The following GABRA6 variants were observed in gnomAD, a reference collection of about 807,000 sequenced individuals.
The protein encoded by GABRA6 is gamma-aminobutyric acid type A receptor subunit alpha6.
In GABRA6, 45 loss-of-function variants were observed where a neutral mutation model predicts 47.3. That is an observed-to-expected ratio of 0.95 (90% confidence interval 0.75 to 1.22). The LOEUF (loss-of-function observed/expected upper bound fraction) is 1.22, where lower values mean the gene tolerates loss of function less well. GABRA6 is among the 50% of genes most tolerant of loss of function. The probability of loss-of-function intolerance (pLI) is 0.00; values close to 1 mark genes in which losing one functional copy is unlikely to be tolerated. For synonymous variants in GABRA6, 219 were observed against 194.7 expected (o/e 1.12, Z -1.04); for missense variants, 583 against 549.3 (o/e 1.06, Z -0.61).
At chr5:161,688,619 C>T (rs1047549371) in intron 3 of GABRA6, among the ~76,000 whole-genome samples, 1 of 151,982 alleles carries the variant, frequency 6.6e-6, no homozygotes, top group Non-Finnish European at 1.5e-5. Flanking sequence ...AAAGGCTAAA[C>T]TAAATATTTC....
rs746250382 is a variant in GABRA6 at position 161,686,034 on chromosome 5, A to G, written c.38+7A>G. On this transcript the variant is annotated splice_region_variant and intron_variant, in intron 1 of 8. Coordinates refer to ENST00000274545, the MANE Select transcript of GABRA6 (RefSeq NM_000811.3). The stretch of plus-strand genomic sequence containing the variant: ...GGCTGTGCATTATTCTGTGGTGAGT[A>G]AGATCCTTTTTCCTGATTTTTCTTT... 3.7e-6 allele frequency: 6 copies of G among 1,613,124 alleles called. No homozygotes were observed. Among genetic ancestry groups the G allele is most frequent in the Non-Finnish European group, 5.1e-6 (6 of 1,179,218 alleles).
At chr5:161,691,615 TTAAG>T (rs1166250625) in intron 7 of GABRA6, among the ~76,000 whole-genome samples, 3 of 152,032 alleles carry the variant, frequency 2.0e-5, no homozygotes, top group Non-Finnish European at 4.4e-5. Flanking sequence ...TTTTTTTTTC[TTAAG>T]TGGTAATAAT....
At chr5:161,693,516 A>G (rs1754838811) in intron 8 of GABRA6, among the ~76,000 whole-genome samples, 1 of 152,174 alleles carries the variant, frequency 6.6e-6, no homozygotes, top group Non-Finnish European at 1.5e-5. Context: ...AATTGATTCA[A>G]AAACTTTGTA....
chr5:161,699,172 A>G (rs1754935201), intron 8 of GABRA6, among the ~76,000 whole-genome samples: 1 of 152,258 alleles, frequency 6.6e-6, no homozygotes, highest in Non-Finnish European at 1.5e-5. Context: ...TAAAATAGAA[A>G]GAAAAACATG....
intron 7 of GABRA6, among the ~76,000 whole-genome samples, chr5:161,691,444 C>G (rs1197900619): frequency 2.0e-5 from 3 of 151,348 alleles, no homozygotes; most frequent in African/African-American, 7.3e-5. Flanking sequence ...TACAGGCGCC[C>G]GCCACCAAGC....
chr5:161,690,466 T>C, intron 7 of GABRA6, 113 bp downstream of exon 7: 1 of 1,083,838 alleles, frequency 9.2e-7, no homozygotes. Flanking sequence ...AGAAAATAGG[T>C]TCCTGTCTCA....
rs966622465 is a variant in GABRA6, at chr5:161,686,966, A to G, written c.188A>G (p.Tyr63Cys). 2.3e-5 allele frequency: 37 copies of G among 1,613,970 alleles called. No homozygotes were observed. Among genetic ancestry groups the G allele is most frequent in the Non-Finnish European group, 3.1e-5 (37 of 1,179,884 alleles). The change falls in exon 3 of 9, where the codon TAT becomes TGT. Residue 63 changes from tyrosine (Y) to cysteine (C), a missense_variant. Transcript: ENST00000274545. ...GAVTEVKTDIYVTSFGPVSDV... is the reference protein window; with the variant it reads ...GAVTEVKTDICVTSFGPVSDV... ...GTCACTGAAGTCAAAACAGACATTT[A>G]TGTGACCAGTTTTGGGCCCGTGTCA...
chr5:161,701,649 GCA>G lies in GABRA6; in HGVS notation c.1240_1241del (p.Thr414GlnfsTer2). ...CCACCACTCTCGCCAGCCTTTGGAG[GCA>G]CCAGTAAAATAGACCAGTATTCTCG... On this transcript the variant is annotated frameshift_variant, in exon 9 of 9. Transcript: ENST00000274545. LOFTEE classifies it high-confidence loss of function. 6.2e-7 allele frequency: 1 copy of G among 1,614,150 alleles called. No homozygotes were observed. Among genetic ancestry groups the G allele is most frequent in the Non-Finnish European group, 8.5e-7 (1 of 1,180,032 alleles).
Position 161,701,844 on chromosome 5 carries a change from A to T in GABRA6, c.*71A>T, listed in dbSNP as rs1471438647. Reference sequence around the variant, plus strand: ...TTCCTATGTTTTCTTAAAAAATAGCATTGAGACTTGTGTAGATGCTTCTCA... The same window carrying T: ...TTCCTATGTTTTCTTAAAAAATAGCTTTGAGACTTGTGTAGATGCTTCTCA... On this transcript the variant is annotated 3_prime_UTR_variant, in exon 9 of 9. Coordinates refer to ENST00000274545, the MANE Select transcript of GABRA6 (RefSeq NM_000811.3). 1 of 1,503,538 alleles carries T rather than the reference A, an allele frequency of 6.7e-7. No individual in the cohort carries two copies. Among genetic ancestry groups the T allele is most frequent in the East Asian group, 2.3e-5 (1 of 44,314 alleles). 93.1% of individuals were successfully genotyped at this position (1,503,538 alleles called of 1,614,324 possible).
chr5:161,687,824 G>T (rs1008274191), intron 3 of GABRA6, among the ~76,000 whole-genome samples: 7 of 151,822 alleles, frequency 4.6e-5, no homozygotes, highest in Admixed American at 4.6e-4. Flanking sequence ...AAAGGAAGGA[G>T]TAAAGGAAGA....
At chr5:161,692,708 T>C in intron 8 of GABRA6, among the ~76,000 whole-genome samples, 1 of 152,284 alleles carries the variant, frequency 6.6e-6, no homozygotes, top group East Asian at 1.9e-4. Context: ...AATAATTTGA[T>C]TCATATTAAA....
At position 161,685,737 on chromosome 5, in the gene GABRA6, G is replaced by T; in HGVS notation, c.-253G>T. 1 of 573,552 alleles carries T rather than the reference G, an allele frequency of 1.7e-6. No homozygotes were observed. Among genetic ancestry groups the T allele is most frequent in the Non-Finnish European group, 3.1e-6 (1 of 321,876 alleles). The allele number at this position is 573,552 out of a possible 1,614,324, so 35.5% of individuals were successfully genotyped here. A position where few individuals can be genotyped will look rare whatever the true frequency, so the allele number is the denominator to read the frequency against. On this transcript the variant is annotated 5_prime_UTR_variant, in exon 1 of 9. Coordinates refer to ENST00000274545, the MANE Select transcript of GABRA6 (RefSeq NM_000811.3). Reference sequence around the variant, plus strand: ...AACTGAGTCAGTCAGAGGAGCCTGGGTGTCTGCAGGACATAATCTAAGACC... The same window carrying T: ...AACTGAGTCAGTCAGAGGAGCCTGGTTGTCTGCAGGACATAATCTAAGACC...
At chr5:161,691,288 C>CTTTTTTTTTTTTTTTTTTTTTT (rs1160422481) in intron 7 of GABRA6, among the ~76,000 whole-genome samples, 1 of 84,726 alleles carries the variant, frequency 1.2e-5, no homozygotes, top group Non-Finnish European at 2.1e-5. Context: ...TTTTTCTTTC[C>CTTTTTTTTTTTTTTTTTTTTTT]TTTTTTTTTT....
chr5:161,694,519 A>G (rs1402230873), intron 8 of GABRA6, among the ~76,000 whole-genome samples: 1 of 152,068 alleles, frequency 6.6e-6, no homozygotes, highest in Non-Finnish European at 1.5e-5. Context: ...TTAATTTAAG[A>G]TGGAATTTAA....
chr5:161,697,488 C>T (rs1029425148), intron 8 of GABRA6, among the ~76,000 whole-genome samples: 1 of 152,136 alleles, frequency 6.6e-6, no homozygotes, highest in Non-Finnish European at 1.5e-5. Context: ...ATATTTGCTG[C>T]CTGTAGAAAT....
chr5:161,691,216 TTTA>T (rs758770311), intron 7 of GABRA6, among the ~76,000 whole-genome samples: 20 of 151,922 alleles, frequency 1.3e-4, no homozygotes, highest in Admixed American at 7.2e-4. Flanking sequence ...ACCATATTTA[TTTA>T]TTAACTATCA....
At chr5:161,688,655 G>T (rs1754737075) in intron 3 of GABRA6, among the ~76,000 whole-genome samples, 2 of 152,130 alleles carry the variant, frequency 1.3e-5, no homozygotes, top group African/African-American at 4.8e-5. Context: ...GATTAAGAAG[G>T]ACATATTGAT....
intron 8 of GABRA6, among the ~76,000 whole-genome samples, chr5:161,695,417 G>A (rs1372260456): frequency 6.6e-6 from 1 of 151,822 alleles, no homozygotes; most frequent in African/African-American, 2.4e-5. Flanking sequence ...CGCTTATATG[G>A]TGATTTTTTC....
chr5:161,688,502 T>C (rs1222796589), intron 3 of GABRA6, among the ~76,000 whole-genome samples: 1 of 152,130 alleles, frequency 6.6e-6, no homozygotes, highest in African/African-American at 2.4e-5. Flanking sequence ...TATCTATGTG[T>C]GGAATTTTAC....
Sources: gnomAD v4.1 joint callset for allele counts (sites outside exome capture counted in the v4.1 genomes callset) on GRCh38, gnomAD v4.1.1 for gene constraint, MANE v1.5 for transcripts, NCBI Gene and HGNC (gene_info 2026-07-23, HGNC 2026-07-21) for gene names.